Variants in AKAP10 observed in about 807,000 individuals in gnomAD.
AKAP10 encodes the protein A-kinase anchor protein 10, mitochondrial.
Under a neutral mutation model 80.8 loss-of-function variants are expected in AKAP10, and 24 were observed. The observed-to-expected ratio is 0.30, with a 90% CI of 0.22 to 0.42. The LOEUF is 0.42. AKAP10 is among the 10% of genes least tolerant of loss of function. The probability of loss-of-function intolerance (pLI) is 1.00; values close to 1 mark genes in which losing one functional copy is unlikely to be tolerated. For missense variants in AKAP10, 661 were observed against 794.9 expected (o/e 0.83, Z 2.03); for synonymous variants, 291 against 277.7 (o/e 1.05, Z -0.48).
At chr17:19,947,051 C>A in intron 5 of AKAP10, 1 of 198,882 alleles carries the variant, frequency 5.0e-6, no homozygotes, top group Non-Finnish European at 1.0e-5. Flanking sequence ...CTTCCAACCC[C>A]AGAAGTTTCT....
At chr17:19,947,596 G>C (rs1231387418) in intron 4 of AKAP10, 91 bp from the exon 5 acceptor site, 1 of 871,494 alleles carries the variant, frequency 1.1e-6, no homozygotes, top group Non-Finnish European at 1.9e-6. Flanking sequence ...TTAGATCACT[G>C]TGAGTTCCTA....
intron 12 of AKAP10, among the ~76,000 whole-genome samples, chr17:19,910,339 A>AAAAAAAAAAAAACAAAC (rs1425341451): frequency 1.3e-5 from 2 of 151,506 alleles, no homozygotes; most frequent in African/African-American, 4.9e-5. Context: ...AAAAAAAAAA[A>AAAAAAAAAAAAACAAAC]AAACCACTAT....
intron 1 of AKAP10, among the ~76,000 whole-genome samples, chr17:19,977,190 T>C (rs1433927843): frequency 1.3e-5 from 2 of 152,208 alleles, no homozygotes; most frequent in Non-Finnish European, 2.9e-5. Flanking sequence ...TTTTCACGTG[T>C]TGCTTTTAGA....
At chr17:19,951,116 C>T (rs1161068619) in intron 4 of AKAP10, among the ~76,000 whole-genome samples, 3 of 151,576 alleles carry the variant, frequency 2.0e-5, no homozygotes, top group African/African-American at 7.3e-5. Flanking sequence ...AGCCCGGCAG[C>T]CGCCCCGTCC....
chr17:19,924,287 C>CT (rs2042850441), intron 11 of AKAP10, 121 bp downstream of exon 11: 3 of 662,298 alleles, frequency 4.5e-6, no homozygotes, highest in Non-Finnish European at 7.3e-6. Context: ...ACTGCACACT[C>CT]TAAGTGAAAG....
intron 12 of AKAP10, among the ~76,000 whole-genome samples, chr17:19,911,954 T>G (rs1178553296): frequency 6.6e-6 from 1 of 151,630 alleles, no homozygotes; most frequent in Non-Finnish European, 1.5e-5. Flanking sequence ...AGTACAGTTT[T>G]GTCTCCCACC....
intron 1 of AKAP10, among the ~76,000 whole-genome samples, chr17:19,969,065 C>T (rs962352299): frequency 1.3e-5 from 2 of 152,164 alleles, no homozygotes; most frequent in Non-Finnish European, 2.9e-5. Flanking sequence ...TTGTCTGGGC[C>T]AGGCACGGTG....
intron 12 of AKAP10, among the ~76,000 whole-genome samples, chr17:19,916,348 T>C (rs2042741944): frequency 1.3e-5 from 2 of 152,316 alleles, no homozygotes; most frequent in South Asian, 2.1e-4. Context: ...CTTTGTTTTC[T>C]TCCCCAGGAC....
chr17:19,941,832 T>C lies in AKAP10; in HGVS notation c.1055A>G (p.Glu352Gly). ...AAAATATGAACTAACTTACTCTTGC[T>C]CCATTGCACTAAAGACTATGGACTG... ...LAQSIVFSAMEQEHFSEFLRS... is the reference protein window; with the variant it reads ...LAQSIVFSAMGQEHFSEFLRS... Residue 352 changes from glutamate (E) to glycine (G), a missense_variant, in exon 6 of 15, where the codon GAG becomes GGG. By Grantham distance (98) the Glu-to-Gly change is moderately conservative. Transcript: ENST00000225737. The C allele has an allele frequency of 6.3e-7, 1 of 1,589,886 alleles. No homozygotes were observed. Among genetic ancestry groups the C allele is most frequent in the Non-Finnish European group, 8.6e-7 (1 of 1,168,064 alleles).
chr17:19,958,405 A>G lies in AKAP10; in HGVS notation c.486T>C (p.His162=). 6.2e-7 allele frequency: 1 copy of G among 1,614,222 alleles called. No homozygotes were observed. Among genetic ancestry groups the G allele is most frequent in the Non-Finnish European group, 8.5e-7 (1 of 1,180,042 alleles). The change falls in exon 4 of 15, where the codon CAT becomes CAC. Residue 162 remains histidine (H), a synonymous_variant. Transcript: ENST00000225737. Reference sequence around the variant, plus strand: ...CTCTTATTCGCGACCAAGTTGTTGAATGAAAACTTTCAGCCTCTAACCAAA... The same window carrying G: ...CTCTTATTCGCGACCAAGTTGTTGAGTGAAAACTTTCAGCCTCTAACCAAA... ...VKFWLEAESF[H]STTWSRIRAH...
At chr17:19,955,663 C>T (rs190575644) in intron 4 of AKAP10, among the ~76,000 whole-genome samples, 1,635 of 152,130 alleles carry the variant, frequency 0.011, 15 homozygotes, top group South Asian at 0.028. Flanking sequence ...GGCGAAACCC[C>T]ATCTCTTCTA....
chr17:19,958,049 G>A lies in AKAP10; in HGVS notation c.842C>T (p.Ser281Phe). 1 of 1,613,144 alleles carries A rather than the reference G, an allele frequency of 6.2e-7. No individual in the cohort carries two copies. The change falls in exon 4 of 15, where the codon TCT becomes TTT. Residue 281 changes from serine to phenylalanine, a missense_variant. Coordinates refer to ENST00000225737, the MANE Select transcript of AKAP10 (RefSeq NM_007202.4). ...TTTTCCTGACAATTCTTTTAGTGGA[G>A]AAGCGGGACTATTTCTACTGGCTAC... ...LTVASRNSPASPLKELSGKLM... is the reference protein window; with the variant it reads ...LTVASRNSPAFPLKELSGKLM...
intron 4 of AKAP10, among the ~76,000 whole-genome samples, chr17:19,952,342 T>C (rs1453046856): frequency 6.6e-6 from 1 of 151,804 alleles, no homozygotes; most frequent in East Asian, 1.9e-4. Context: ...CGCGTGCCTG[T>C]AATCCCAGCT....
Position 19,973,378 on chromosome 17 carries a change from T to C in AKAP10, c.88+4214A>G, listed in dbSNP as rs553525621. Reference sequence around the variant, plus strand: ...AGAGTGTGACAGAAACCATATGGTCTGGAAAGCCTAAAATATTTATGATTT... The same window carrying C: ...AGAGTGTGACAGAAACCATATGGTCCGGAAAGCCTAAAATATTTATGATTT... On this transcript the variant is annotated intron_variant, in intron 1 of 14. Coordinates refer to ENST00000225737, the MANE Select transcript of AKAP10 (RefSeq NM_007202.4). Among the ~76,000 whole-genome samples, 4 of 152,320 alleles carry C rather than the reference T, an allele frequency of 2.6e-5. No individual in the cohort carries two copies. In the South Asian group the frequency reaches 8.3e-4, roughly 32 times the overall value.
At chr17:19,964,453 T>A (rs1026839196) in intron 2 of AKAP10, among the ~76,000 whole-genome samples, 16 of 152,234 alleles carry the variant, frequency 1.1e-4, no homozygotes, top group African/African-American at 3.9e-4. Flanking sequence ...AGCCTGCTTC[T>A]TTGGCTCCCC....
At chr17:19,909,494 C>T (rs918553520) in intron 13 of AKAP10, among the ~76,000 whole-genome samples, 2 of 152,162 alleles carry the variant, frequency 1.3e-5, no homozygotes, top group Admixed American at 6.5e-5. Flanking sequence ...TACCTAACAC[C>T]GAACTACTTT....
At chr17:19,948,112 G>A (rs143150893) in intron 4 of AKAP10, among the ~76,000 whole-genome samples, 8 of 152,256 alleles carry the variant, frequency 5.3e-5, no homozygotes, top group East Asian at 1.9e-4. Context: ...AATATCATCC[G>A]TTGATTTGAT....
At chr17:19,924,297 G>A (rs1269514201) in intron 11 of AKAP10, 111 bp downstream of exon 11, 1 of 724,432 alleles carries the variant, frequency 1.4e-6, no homozygotes, top group East Asian at 2.9e-5. Flanking sequence ...CTAAGTGAAA[G>A]TTCTGGGCAT....
intron 10 of AKAP10, among the ~76,000 whole-genome samples, chr17:19,929,079 T>C (rs912304155): frequency 6.6e-6 from 1 of 152,208 alleles, no homozygotes; most frequent in Admixed American, 6.5e-5. Flanking sequence ...CACATGATGC[T>C]AAGTGAAAGA....
Sources: gnomAD v4.1 joint callset for allele counts (sites outside exome capture counted in the v4.1 genomes callset) on GRCh38, gnomAD v4.1.1 for gene constraint, MANE v1.5 for transcripts, NCBI Gene and HGNC (gene_info 2026-07-23, HGNC 2026-07-21) for gene names.